The following NAALADL2 variants were observed in gnomAD, a reference collection of about 807,000 sequenced individuals.
NAALADL2 encodes the protein inactive N-acetylated-alpha-linked acidic dipeptidase-like protein 2.
In NAALADL2, 76 loss-of-function variants were observed where a neutral mutation model predicts 87.2. That is an observed-to-expected ratio of 0.87 (90% CI 0.72 to 1.05). The LOEUF is 1.05. NAALADL2 is among the 50% of genes least tolerant of loss of function. The pLI is 0.00. For synonymous variants in NAALADL2, 354 were observed against 331.0 expected, an observed-to-expected ratio of 1.07 and a Z score of -0.75; for missense variants, 1,089 against 945.8, an observed-to-expected ratio of 1.15 and a Z score of -1.99.
intron 2 of NAALADL2, among the ~76,000 whole-genome samples, chr3:175,216,917 T>A (rs143047292): frequency 0.015 from 2,283 of 152,238 alleles, 60 homozygotes; most frequent in African/African-American, 0.052. Context: ...TCTGCCCGCC[T>A]CAGCCTCCCA....
intron 5 of NAALADL2, among the ~76,000 whole-genome samples, chr3:175,437,919 G>T (rs373288079): frequency 3.3e-5 from 5 of 152,132 alleles, no homozygotes; most frequent in African/African-American, 1.2e-4. Flanking sequence ...CATTAGTTAA[G>T]TATTAAAGCA....
At chr3:174,466,248 A>C (rs1410042340) in intron 1 of NAALADL2, among the ~76,000 whole-genome samples, 1 of 152,048 alleles carries the variant, frequency 6.6e-6, no homozygotes, top group Non-Finnish European at 1.5e-5. Flanking sequence ...AGACAAATTC[A>C]TAAAGTTTCT....
At chr3:175,002,511 C>T (rs943590571) in intron 1 of NAALADL2, among the ~76,000 whole-genome samples, 1 of 152,110 alleles carries the variant, frequency 6.6e-6, no homozygotes, top group Non-Finnish European at 1.5e-5. Context: ...GCAGTGAACC[C>T]ATGCCACTTA....
rs185530384 is a variant in NAALADL2, at chr3:174,570,437, C to T, written c.-115+19800C>T. 6.6e-5 allele frequency among the ~76,000 whole-genome samples: 10 copies of T among 152,020 alleles called. No homozygotes were observed. The East Asian group carries it at 1.9e-3, about 29-fold the overall frequency. ...CAGGTTGATTTGTATTTCAAATAAA[C>T]AATTTATTAGATTGTTGTATTTTAA... On this transcript the variant is annotated intron_variant, in intron 2 of 3. Coordinates refer to the NAALADL2 transcript ENST00000434257.
At chr3:174,631,541 T>C (rs532252598) in intron 2 of NAALADL2, among the ~76,000 whole-genome samples, 1 of 152,224 alleles carries the variant, frequency 6.6e-6, no homozygotes, top group South Asian at 2.1e-4. Context: ...AGCAGGAAAA[T>C]AATAAAAGTG....
chr3:174,961,882 C>T (rs1742054522), intron 1 of NAALADL2, among the ~76,000 whole-genome samples: 1 of 152,008 alleles, frequency 6.6e-6, no homozygotes, highest in South Asian at 2.1e-4. Flanking sequence ...CACAGCAACC[C>T]TGATGTAACC....
chr3:175,320,457 C>A (rs1759707410), intron 4 of NAALADL2, among the ~76,000 whole-genome samples: 1 of 152,132 alleles, frequency 6.6e-6, no homozygotes, highest in African/African-American at 2.4e-5. Flanking sequence ...CGTGTAAATT[C>A]CTCAGTTGCT....
intron 3 of NAALADL2, among the ~76,000 whole-genome samples, chr3:174,757,950 G>A (rs1712355833): frequency 6.6e-6 from 1 of 152,210 alleles, no homozygotes; most frequent in Admixed American, 6.5e-5. Context: ...GGAATAGTGA[G>A]TAAAATAGTT....
chr3:175,627,472 G>A, intron 11 of NAALADL2, 86 bp downstream of exon 11: 3 of 800,710 alleles, frequency 3.7e-6, no homozygotes, highest in South Asian at 1.7e-5. Context: ...AACCAATCAA[G>A]AGCAATCCGT....
chr3:174,459,122 G>T (rs1348549507), intron 1 of NAALADL2: 3 of 152,144 alleles, frequency 2.0e-5, no homozygotes, highest in African/African-American at 7.2e-5. Flanking sequence ...CTTTTATTCT[G>T]ATTATATCTG....
chr3:174,882,748 C>T (rs1287397671), intron 1 of NAALADL2, among the ~76,000 whole-genome samples: 2 of 138,416 alleles, frequency 1.4e-5, no homozygotes, highest in African/African-American at 5.2e-5. Flanking sequence ...TGTGTATATA[C>T]ACACGTGTAT....
chr3:175,272,070 C>T (rs916372141), intron 4 of NAALADL2, among the ~76,000 whole-genome samples: 1 of 152,078 alleles, frequency 6.6e-6, no homozygotes, highest in Non-Finnish European at 1.5e-5. Context: ...AAGAAGAAAA[C>T]TTCCAAACAA....
At chr3:174,698,482 A>T (rs1490935027) in intron 2 of NAALADL2, among the ~76,000 whole-genome samples, 2 of 152,152 alleles carry the variant, frequency 1.3e-5, no homozygotes, top group Non-Finnish European at 2.9e-5. Context: ...AAACTACAAT[A>T]GATCTGTCTT....
chr3:174,551,369 T>G (rs992446022), intron 2 of NAALADL2: 6 of 152,192 alleles, frequency 3.9e-5, no homozygotes. Flanking sequence ...TACCAGATAT[T>G]GTGGACTTTG....
chr3:175,472,026 T>A (rs1371252708), intron 9 of NAALADL2, among the ~76,000 whole-genome samples: 2 of 152,024 alleles, frequency 1.3e-5, no homozygotes, highest in Non-Finnish European at 2.9e-5. Flanking sequence ...AATATATTTT[T>A]AAAAAATATA....
At position 175,364,327 on chromosome 3, in the gene NAALADL2, G is replaced by A. The variant is rs1426754624; in HGVS notation, c.1090+40002G>A. On this transcript the variant is annotated intron_variant, in intron 5 of 13. Transcript: ENST00000454872. ...ACAGTTCCACTTTAAGACCATCAGT[G>A]GTGAATACTGAAAATCAAAGGAAGA... Among the ~76,000 whole-genome samples the A allele has an allele frequency of 2.0e-5, 3 of 147,518 alleles. 1 individual carries two copies. Among genetic ancestry groups the A allele is most frequent in the Non-Finnish European group, 4.5e-5 (3 of 66,402 alleles).
intron 13 of NAALADL2, among the ~76,000 whole-genome samples, chr3:175,781,140 C>T (rs1414506503): frequency 6.6e-6 from 1 of 152,146 alleles, no homozygotes; most frequent in East Asian, 1.9e-4. Context: ...GTTGAATATG[C>T]ACTTGTTTGA....
chr3:174,965,433 AC>A (rs1367922139), intron 1 of NAALADL2, among the ~76,000 whole-genome samples: 1 of 152,132 alleles, frequency 6.6e-6, no homozygotes, highest in African/African-American at 2.4e-5. Context: ...ATTAGTTCCC[AC>A]CTTTTGAAGT....
intron 9 of NAALADL2, among the ~76,000 whole-genome samples, chr3:175,474,937 C>T (rs78478348): frequency 0.068 from 10,259 of 151,920 alleles, 418 homozygotes; most frequent in Non-Finnish European, 0.092. Flanking sequence ...TTATAAAGAA[C>T]ATGGTGAACT....
Sources: gnomAD v4.1 joint callset for allele counts (sites outside exome capture counted in the v4.1 genomes callset) on GRCh38, gnomAD v4.1.1 for gene constraint, MANE v1.5 for transcripts, NCBI Gene and HGNC (gene_info 2026-07-23, HGNC 2026-07-21) for gene names.